Variants in PNPLA8 observed in about 807,000 individuals in gnomAD.
PNPLA8 encodes patatin like domain 8, phospholipase A2, also known as calcium-independent phospholipase A2-gamma.
Under a neutral mutation model 76.9 loss-of-function variants are expected in PNPLA8, and 39 were observed. The observed-to-expected ratio is 0.51, with a 90% CI of 0.39 to 0.66. The LOEUF (loss-of-function observed/expected upper bound fraction) is 0.66, where lower values mean the gene tolerates loss of function less well. Ranked by LOEUF, PNPLA8 falls within the 30% of genes least tolerant of loss-of-function variation. The pLI, the probability that PNPLA8 is intolerant of heterozygous loss-of-function variation, is 0.00. For synonymous variants in PNPLA8, 301 were observed against 307.9 expected, an observed-to-expected ratio of 0.98 and a Z score of 0.24; for missense variants, 887 against 918.0, an observed-to-expected ratio of 0.97 and a Z score of 0.44.
At position 108,515,045 on chromosome 7, in the gene PNPLA8, G is replaced by A. The variant is rs754056767; in HGVS notation, c.447C>T (p.Asn149=). ...TCAGAGATTTGATGGCTTGTTTGAT[G>A]TTTTTCTGTTTTAACCAGCCACTAT... The part of the protein sequence containing the change: ...VSDSGWLKQK[N]IKQAIKSLKK... Residue 149 remains asparagine (N), a synonymous_variant, in exon 3 of 11, where the codon AAC becomes AAT. Transcript: ENST00000257694. 2 of 1,607,414 alleles carry A rather than the reference G, an allele frequency of 1.2e-6. No homozygotes were observed. The highest frequency in any genetic ancestry group is 1.7e-6 in the Non-Finnish European group (2 of 1,179,814).
At chr7:108,521,192 T>C (rs1363739164) in intron 2 of PNPLA8, among the ~76,000 whole-genome samples, 1 of 151,628 alleles carries the variant, frequency 6.6e-6, no homozygotes, top group African/African-American at 2.4e-5. Flanking sequence ...ATTAAGTAGG[T>C]CTAAAATGTT....
chr7:108,480,730 T>C, intron 9 of PNPLA8: 2 of 420,052 alleles, frequency 4.8e-6, no homozygotes, highest in Non-Finnish European at 9.8e-6. Context: ...CATTTCATTG[T>C]AAAATATTTT....
intron 4 of PNPLA8, among the ~76,000 whole-genome samples, chr7:108,503,880 T>G (rs1283055405): frequency 6.6e-6 from 1 of 152,178 alleles, no homozygotes; most frequent in African/African-American, 2.4e-5. Flanking sequence ...ATGGAAGACC[T>G]GAAGGGCTTC....
At chr7:108,526,483 G>A (rs1864097073), upstream of PNPLA8, among the ~76,000 whole-genome samples, 2 of 152,238 alleles carry the variant, frequency 1.3e-5, no homozygotes, top group South Asian at 4.1e-4. Flanking sequence ...TCGGAGCAGT[G>A]TCCTGGTTTG....
intron 5 of PNPLA8, 133 bp downstream of exon 5, chr7:108,502,358 G>T (rs536673771): frequency 4.4e-6 from 3 of 675,288 alleles, no homozygotes; most frequent in Non-Finnish European, 6.9e-6. Context: ...CAGGAGAATC[G>T]CTTGAACCTG....
Position 108,526,123 on chromosome 7 carries a change from C to A in PNPLA8, c.-224G>T, listed in dbSNP as rs1864064768. ...AACCGGCCTGCATCAGCTGAGCTTC[C>A]AACACAAACACTGGCGCAGCAGCTA... On this transcript the variant is annotated 5_prime_UTR_variant, in exon 1 of 11. Coordinates refer to ENST00000257694, the MANE Select transcript of PNPLA8 (RefSeq NM_001256007.3). The A allele has an allele frequency of 9.2e-6, 9 of 983,510 alleles. No individual in the cohort carries two copies. Among genetic ancestry groups the A allele is most frequent in the Non-Finnish European group, 1.1e-5 (9 of 828,152 alleles). 60.9% of individuals were successfully genotyped at this position (983,510 alleles called of 1,614,324 possible).
rs117872098 is a variant in PNPLA8, at chr7:108,526,092, C to T, written c.-193G>A. The T allele has an allele frequency of 2.3e-5, 23 of 985,760 alleles. No homozygotes were observed. The highest frequency in any genetic ancestry group is 1.6e-4 in the African/African-American group (9 of 57,380). The allele number at this position is 985,760 out of a possible 1,614,324, so 61.1% of individuals were successfully genotyped here. On this transcript the variant is annotated 5_prime_UTR_variant, in exon 1 of 11. Transcript: ENST00000257694. ...CTCGCTCGTTCCCGGCAATGACGTC[C>T]ACTCCAACCGGCCTGCATCAGCTGA...
chr7:108,489,919 C>G (rs1430494513), intron 8 of PNPLA8, among the ~76,000 whole-genome samples: 1 of 152,174 alleles, frequency 6.6e-6, no homozygotes, highest in African/African-American at 2.4e-5. Context: ...TGAGACACAT[C>G]TAAGTGACAT....
At chr7:108,502,113 T>A (rs76713332) in intron 5 of PNPLA8, among the ~76,000 whole-genome samples, 2 of 152,064 alleles carry the variant, frequency 1.3e-5, no homozygotes, top group African/African-American at 4.8e-5. Flanking sequence ...TTTTTTTTTT[T>A]AATTCCTAAA....
rs920881737 is a variant in PNPLA8 at position 108,474,799 on chromosome 7, T to A, written c.2075-2124A>T. ...ATACCATTGATTTATATGTCTATCT[T>A]TATTCAAACACCACAGTTCCTTGCT... On this transcript the variant is annotated intron_variant, in intron 10 of 10. Coordinates refer to ENST00000257694, the MANE Select transcript of PNPLA8 (RefSeq NM_001256007.3). 3.3e-4 allele frequency among the ~76,000 whole-genome samples: 50 copies of A among 152,240 alleles called. 1 individual carries two copies. The highest frequency in any genetic ancestry group is 1.2e-3 in the African/African-American group (49 of 41,466).
intron 8 of PNPLA8, among the ~76,000 whole-genome samples, chr7:108,488,953 T>C (rs187020792): frequency 2.3e-4 from 35 of 152,348 alleles, no homozygotes; most frequent in African/African-American, 7.5e-4. Flanking sequence ...ACATGCCAAA[T>C]TCCTGTGAGT....
chr7:108,514,460 CTT>C lies in PNPLA8; in HGVS notation c.1030_1031del (p.Lys344AlafsTer16), dbSNP rs1863153967. On this transcript the variant is annotated frameshift_variant, in exon 3 of 11. Coordinates refer to ENST00000257694, the MANE Select transcript of PNPLA8 (RefSeq NM_001256007.3). LOFTEE classifies it high-confidence loss of function. Reference protein sequence around the residue: ...VSKDRNAEEKKRLSLQREKII... With the variant: ...VSKDRNAEEKXRLSLQREKII... ...CCTTTTCTCGCTGAAGAGATAAACG[CTT>C]TTTCTCCTCTGCATTTCTGTCTTTG... 1 of 1,611,448 alleles carries C rather than the reference CTT, an allele frequency of 6.2e-7. No individual in the cohort carries two copies. Among genetic ancestry groups the C allele is most frequent in the South Asian group, 1.1e-5 (1 of 90,926 alleles).
chr7:108,500,551 C>CA (rs1861860600), intron 5 of PNPLA8, among the ~76,000 whole-genome samples: 1 of 152,184 alleles, frequency 6.6e-6, no homozygotes, highest in Non-Finnish European at 1.5e-5. Flanking sequence ...TTGTCCCAGT[C>CA]ACACACAGGT....
chr7:108,521,826 A>G (rs904350641), intron 1 of PNPLA8, among the ~76,000 whole-genome samples: 3 of 152,224 alleles, frequency 2.0e-5, no homozygotes, highest in Non-Finnish European at 4.4e-5. Context: ...AAGATGAACC[A>G]AACCAAAAAT....
chr7:108,515,384 C>G lies in PNPLA8; in HGVS notation c.108G>C (p.Lys36Asn), dbSNP rs368112518. The G allele has an allele frequency of 6.2e-7, 1 of 1,613,236 alleles. No homozygotes were observed. The highest frequency in any genetic ancestry group is 8.5e-7 in the Non-Finnish European group (1 of 1,179,564). ...SKQLYFLFSPKHYWRISHISL... is the reference protein window; with the variant it reads ...SKQLYFLFSPNHYWRISHISL... ...TGATGTGGCTTATCCTCCAGTAATG[C>G]TTAGGTGAGAACAAGAAATACAGTT... The change falls in exon 3 of 11, where the codon AAG (lysine) becomes AAC (asparagine). Residue 36 changes from lysine (K) to asparagine (N), a missense_variant. Physicochemically the swap from Lys to Asn is moderately conservative, Grantham distance 94 (BLOSUM62 0). Transcript: ENST00000257694.
At chr7:108,521,275 C>G (rs922800754) in intron 2 of PNPLA8, among the ~76,000 whole-genome samples, 9 of 152,142 alleles carry the variant, frequency 5.9e-5, no homozygotes, top group African/African-American at 2.2e-4. Flanking sequence ...ACAGCAAAAT[C>G]TTAGAAATGA....
chr7:108,488,255 T>A (rs931111132), intron 8 of PNPLA8, among the ~76,000 whole-genome samples: 2 of 152,290 alleles, frequency 1.3e-5, no homozygotes, highest in Middle Eastern at 3.4e-3. Context: ...GACCTTTACA[T>A]AATAATTGAC....
intron 4 of PNPLA8, among the ~76,000 whole-genome samples, chr7:108,504,532 A>G (rs1024195278): frequency 2.8e-4 from 42 of 152,228 alleles, no homozygotes; most frequent in Admixed American, 1.4e-3. Context: ...GAAACTCAAC[A>G]AAGACCCAAT....
intron 8 of PNPLA8, among the ~76,000 whole-genome samples, chr7:108,489,556 A>G (rs1377494111): frequency 4.6e-5 from 7 of 152,230 alleles, no homozygotes; most frequent in Non-Finnish European, 1.0e-4. Flanking sequence ...TATTTCAGGG[A>G]AACTACTACA....
Sources: allele counts gnomAD v4.1 joint callset (sites outside exome capture counted in the v4.1 genomes callset), GRCh38; gene constraint gnomAD v4.1.1; transcripts MANE v1.5; gene names NCBI Gene and HGNC (gene_info 2026-07-23, HGNC 2026-07-21).